Variants in CSMD3 observed in about 807,000 individuals in gnomAD.
CSMD3 encodes CUB and sushi domain-containing protein 3.
CSMD3 carries 177 observed loss-of-function variants against 435.2 expected under a neutral mutation model. That is an observed-to-expected ratio of 0.41 (90% confidence interval 0.36 to 0.46). The LOEUF (loss-of-function observed/expected upper bound fraction) is 0.46, where lower values mean the gene tolerates loss of function less well. CSMD3 is among the 20% of genes least tolerant of loss of function. The pLI is 0.34. For synonymous variants in CSMD3, 1,656 were observed against 1,520.5 expected, an observed-to-expected ratio of 1.09 and a Z score of -2.07; for missense variants, 4,265 against 4,504.6, an observed-to-expected ratio of 0.95 and a Z score of 1.52.
chr8:113,167,451 G>A (rs201011970), intron 4 of CSMD3, among the ~76,000 whole-genome samples: 15 of 152,170 alleles, frequency 9.9e-5, no homozygotes, highest in East Asian at 5.8e-4. Flanking sequence ...AAATCAACTC[G>A]TAGGTCTTCT....
At chr8:113,094,028 T>C (rs1217262529) in intron 5 of CSMD3, among the ~76,000 whole-genome samples, 2 of 152,154 alleles carry the variant, frequency 1.3e-5, no homozygotes, top group African/African-American at 4.8e-5. Context: ...ATAGGACATA[T>C]TCTTTTTGGA....
rs572730739 is a variant in CSMD3 at position 112,579,909 on chromosome 8, A to G, written c.3886-6252T>C. On this transcript the variant is annotated intron_variant, in intron 23 of 70. Transcript: ENST00000297405. ...TACTGGCTTTTCTCCATAATCATCC[A>G]TAGTCTACATTTTGCATAAGAAATA... is the stretch of plus-strand genomic sequence containing the variant. 1.4e-3 allele frequency among the ~76,000 whole-genome samples: 217 copies of G among 152,144 alleles called. 2 individuals carry two copies. The Middle Eastern group carries it at 0.027, about 19-fold the overall frequency.
At chr8:112,545,651 T>C (rs1163362969) in intron 27 of CSMD3, among the ~76,000 whole-genome samples, 6 of 152,000 alleles carry the variant, frequency 3.9e-5, no homozygotes, top group Non-Finnish European at 7.4e-5. Context: ...ACCTGGCATC[T>C]GGAAAAAGTT....
intron 1 of CSMD3, among the ~76,000 whole-genome samples, chr8:113,407,873 C>T (rs2094539872): frequency 6.6e-6 from 1 of 152,034 alleles, no homozygotes; most frequent in South Asian, 2.1e-4. Context: ...TTCTAAATTG[C>T]TGCATGTTTT....
intron 2 of CSMD3, among the ~76,000 whole-genome samples, chr8:113,280,346 T>C (rs2093604222): frequency 6.6e-6 from 1 of 151,966 alleles, no homozygotes; most frequent in Non-Finnish European, 1.5e-5. Context: ...TTCCTACTTG[T>C]TATTGGTCTA....
chr8:112,924,087 A>T (rs2082832651), intron 9 of CSMD3, among the ~76,000 whole-genome samples: 1 of 152,198 alleles, frequency 6.6e-6, no homozygotes, highest in Admixed American at 6.6e-5. Flanking sequence ...TAGATTGGTT[A>T]CAACTTTCTA....
intron 5 of CSMD3, among the ~76,000 whole-genome samples, chr8:113,055,502 A>G (rs1234745118): frequency 6.6e-6 from 1 of 152,216 alleles, no homozygotes; most frequent in Non-Finnish European, 1.5e-5. Context: ...AGTGATCTCA[A>G]CAAGTCCCCA....
At chr8:112,542,849 G>T (rs1037462921) in intron 27 of CSMD3, among the ~76,000 whole-genome samples, 1 of 152,094 alleles carries the variant, frequency 6.6e-6, no homozygotes, top group East Asian at 1.9e-4. Flanking sequence ...AAACTGTATG[G>T]TACTGGCACA....
At chr8:112,344,755 A>G (rs73700637) in intron 41 of CSMD3, among the ~76,000 whole-genome samples, 1 of 152,150 alleles carries the variant, frequency 6.6e-6, no homozygotes, top group Non-Finnish European at 1.5e-5. Flanking sequence ...AGAATTTATT[A>G]AATATGATAT....
intron 13 of CSMD3, among the ~76,000 whole-genome samples, chr8:112,756,671 T>C (rs942306831): frequency 6.6e-6 from 1 of 152,162 alleles, no homozygotes; most frequent in Non-Finnish European, 1.5e-5. Flanking sequence ...GAGTTGTACA[T>C]GTACTACGTT....
At chr8:113,301,378 C>T (rs1462541642) in intron 2 of CSMD3, among the ~76,000 whole-genome samples, 2 of 151,776 alleles carry the variant, frequency 1.3e-5, no homozygotes, top group African/African-American at 2.4e-5. Context: ...AGAGTTAACG[C>T]TAGTATTCTA....
chr8:112,325,110 G>A (rs751606928), intron 45 of CSMD3, among the ~76,000 whole-genome samples: 1 of 151,978 alleles, frequency 6.6e-6, no homozygotes, highest in Non-Finnish European at 1.5e-5. Context: ...TGATAGGCAT[G>A]TGGCCTATCA....
At chr8:113,054,848 C>T (rs949761111) in intron 5 of CSMD3, among the ~76,000 whole-genome samples, 2 of 152,084 alleles carry the variant, frequency 1.3e-5, no homozygotes, top group Non-Finnish European at 2.9e-5. Context: ...TAGTGGATTA[C>T]AAGGCTCTTT....
chr8:113,412,109 G>C (rs1325100936), intron 1 of CSMD3, among the ~76,000 whole-genome samples: 3 of 152,018 alleles, frequency 2.0e-5, no homozygotes, highest in South Asian at 4.2e-4. Context: ...TAGAGTGTTT[G>C]ATGTTATTAC....
At chr8:112,310,689 T>C in intron 50 of CSMD3, 1 of 456,618 alleles carries the variant, frequency 2.2e-6, no homozygotes, top group Non-Finnish European at 4.0e-6. Context: ...TCAATAATTG[T>C]CTTAAAACAA....
At chr8:112,497,406 TG>T (rs1821464566) in intron 30 of CSMD3, among the ~76,000 whole-genome samples, 1 of 151,776 alleles carries the variant, frequency 6.6e-6, no homozygotes, top group African/African-American at 2.4e-5. Context: ...CTTGATGTGA[TG>T]GATACCCCAT....
At chr8:113,149,636 A>G (rs1268713366) in intron 4 of CSMD3, among the ~76,000 whole-genome samples, 1 of 151,970 alleles carries the variant, frequency 6.6e-6, no homozygotes, top group Non-Finnish European at 1.5e-5. Flanking sequence ...TTGTGATTGT[A>G]CATGGTGTAA....
At chr8:112,811,567 A>G (rs913605544) in intron 12 of CSMD3, among the ~76,000 whole-genome samples, 1 of 152,140 alleles carries the variant, frequency 6.6e-6, no homozygotes, top group African/African-American at 2.4e-5. Context: ...CTTGATTATT[A>G]TAAAGATAGA....
At chr8:112,533,309 T>C (rs1311223502) in intron 27 of CSMD3, among the ~76,000 whole-genome samples, 1 of 152,012 alleles carries the variant, frequency 6.6e-6, no homozygotes, top group African/African-American at 2.4e-5. Flanking sequence ...GACTCAATTT[T>C]CAATTGAAAA....
Sources: allele counts gnomAD v4.1 joint callset (sites outside exome capture counted in the v4.1 genomes callset), GRCh38; gene constraint gnomAD v4.1.1; transcripts MANE v1.5; gene names NCBI Gene and HGNC (gene_info 2026-07-23, HGNC 2026-07-21).